The following ZNF638 variants were observed in gnomAD, a reference collection of about 807,000 sequenced individuals.
ZNF638 encodes zinc finger protein 638, also known as CTCL tumor antigen se33-1.
Under a neutral mutation model 195.6 loss-of-function variants are expected in ZNF638, and 46 were observed. The ratio of observed to expected loss-of-function variants is 0.24; its 90% CI spans 0.19 to 0.30. The LOEUF (loss-of-function observed/expected upper bound fraction) is 0.30, where lower values mean the gene tolerates loss of function less well. Among genes scored for constraint, ZNF638 ranks in the 10% least tolerant of loss-of-function variants. ZNF638 has a pLI of 1.00. For missense variants in ZNF638, 2,440 were observed against 2,325.3 expected, an observed-to-expected ratio of 1.05 and a Z score of -1.01; for synonymous variants, 845 against 772.0, an observed-to-expected ratio of 1.09 and a Z score of -1.57.
chr2:71,405,776 C>T (rs1162956927), intron 18 of ZNF638, 134 bp downstream of exon 18: 1 of 692,608 alleles, frequency 1.4e-6, no homozygotes, highest in Non-Finnish European at 2.4e-6. Flanking sequence ...TCAGATGGGT[C>T]TTCTTGGTAA....
At chr2:71,366,861 G>T (rs1229647759) in intron 6 of ZNF638, among the ~76,000 whole-genome samples, 2 of 152,058 alleles carry the variant, frequency 1.3e-5, no homozygotes, top group Non-Finnish European at 2.9e-5. Flanking sequence ...TTGTTTTATT[G>T]TATGTGTTTA....
At chr2:71,410,871 C>A (rs955616038) in intron 20 of ZNF638, among the ~76,000 whole-genome samples, 2 of 150,426 alleles carry the variant, frequency 1.3e-5, no homozygotes, top group Non-Finnish European at 2.9e-5. Context: ...TCCAGAATTT[C>A]TAAAGAGAGG....
At chr2:71,347,583 T>G (rs762170699) in intron 1 of ZNF638, among the ~76,000 whole-genome samples, 10 of 152,210 alleles carry the variant, frequency 6.6e-5, no homozygotes, top group Non-Finnish European at 1.2e-4. Context: ...CCACCATGCA[T>G]TTCAATCACA....
At chr2:71,360,713 A>G (rs903115316) in intron 3 of ZNF638, among the ~76,000 whole-genome samples, 1 of 152,088 alleles carries the variant, frequency 6.6e-6, no homozygotes, top group Non-Finnish European at 1.5e-5. Context: ...CACTGAGAAC[A>G]TTTTTGTTGC....
At chr2:71,335,043 G>A (rs1187111579) in intron 1 of ZNF638, among the ~76,000 whole-genome samples, 1 of 152,100 alleles carries the variant, frequency 6.6e-6, no homozygotes, top group African/African-American at 2.4e-5. Flanking sequence ...TAGCTTTAAC[G>A]TACATTATGT....
chr2:71,426,558 A>T lies in ZNF638; in HGVS notation c.4689A>T (p.Gly1563=). Residue 1563 remains glycine, a synonymous_variant, in exon 24 of 28, where the codon GGA becomes GGT. Transcript: ENST00000264447. The part of the protein sequence containing the change: ...PSQAKQNPLK[G]KRKETLKNVP... Reference sequence around the variant, plus strand: ...AGGCCAAGCAGAATCCACTAAAGGGAAAAAGGAAAGAAACTCTCAAAAATG... The same window carrying T: ...AGGCCAAGCAGAATCCACTAAAGGGTAAAAGGAAAGAAACTCTCAAAAATG... 6.2e-7 allele frequency: 1 copy of T among 1,614,102 alleles called. No individual in the cohort carries two copies. Among genetic ancestry groups the T allele is most frequent in the African/African-American group, 1.3e-5 (1 of 75,026 alleles).
At chr2:71,367,270 A>G (rs1407406873) in intron 6 of ZNF638, among the ~76,000 whole-genome samples, 1 of 151,578 alleles carries the variant, frequency 6.6e-6, no homozygotes, top group Non-Finnish European at 1.5e-5. Context: ...TTAGTAAAAA[A>G]TAAGAGAAAT....
In ZNF638 at chr2:71,393,781, G is replaced by T. The variant is rs549746111; in HGVS notation, c.2378-2360G>T. The stretch of plus-strand genomic sequence containing the variant: ...TACCTGGGCAGGCACCCCCTTCCCA[G>T]CCTCTAATAACGTTAACTGCTTGGC... On this transcript the variant is annotated intron_variant, in intron 10 of 27. Transcript: ENST00000264447. 8.1e-6 allele frequency: 5 copies of T among 620,346 alleles called. No homozygotes were observed. The African/African-American group carries it at 9.2e-5, about 11-fold the overall frequency. 38.4% of individuals were successfully genotyped at this position (620,346 alleles called of 1,614,324 possible).
rs2080471302 is a variant in ZNF638, at chr2:71,423,376, C to G, written c.3862C>G (p.Pro1288Ala). 1.2e-6 allele frequency: 2 copies of G among 1,613,694 alleles called. No individual in the cohort carries two copies. The highest frequency in any genetic ancestry group is 8.5e-7 in the Non-Finnish European group (1 of 1,179,958). The change falls in exon 22 of 28, where the codon CCC becomes GCC. Residue 1288 changes from proline (P) to alanine (A), a missense_variant. This residue lies in a region of ZNF638 where 1,883 missense variants were observed against 1,739.1 expected (regional missense o/e 1.08). Coordinates refer to ENST00000264447, the MANE Select transcript of ZNF638 (RefSeq NM_014497.5). Reference sequence around the variant, plus strand: ...TATTGTGACGTTAGTACCAGGAATTCCCACTGGGGATGAGAAGACAGTGGA... The same window carrying G: ...TATTGTGACGTTAGTACCAGGAATTGCCACTGGGGATGAGAAGACAGTGGA... The part of the protein sequence containing the change: ...TCIVTLVPGI[P>A]TGDEKTVDKK...
intron 8 of ZNF638, chr2:71,376,401 G>A (rs1056072348): frequency 3.9e-5 from 6 of 151,904 alleles, no homozygotes; most frequent in Non-Finnish European, 8.8e-5. Context: ...TTTTGTTGTT[G>A]TTTGTTTGTT....
chr2:71,400,469 T>C lies in ZNF638; in HGVS notation c.2657-9T>C. 1 of 1,599,122 alleles carries C rather than the reference T, an allele frequency of 6.3e-7. No individual in the cohort carries two copies. Among genetic ancestry groups the C allele is most frequent in the Non-Finnish European group, 8.5e-7 (1 of 1,175,526 alleles). On this transcript the variant is annotated splice_polypyrimidine_tract_variant and intron_variant, in intron 14 of 27. Coordinates refer to ENST00000264447, the MANE Select transcript of ZNF638 (RefSeq NM_014497.5). ...GTCTGCATTGTTTTTAATTTTATTT[T>C]GTATTAAGATGCTGCTTTGGAGGCC...
chr2:71,355,923 C>T, intron 3 of ZNF638, 143 bp downstream of exon 3: 1 of 458,614 alleles, frequency 2.2e-6, no homozygotes, highest in Admixed American at 4.4e-5. Context: ...TATTAGTTTT[C>T]TGGAAGTATA....
At position 71,423,172 on chromosome 2, in the gene ZNF638, A is replaced by G. The variant is rs758435711; in HGVS notation, c.3658A>G (p.Lys1220Glu). ...EKKGAEIINP[K>E]TALLPSDSVF... ...GAAAGGGGCAGAAATTATTAACCCT[A>G]AAACAGCATTGTTACCATCTGACAG... Residue 1220 changes from lysine to glutamate, a missense_variant, in exon 22 of 28, where the codon AAA becomes GAA. Lys to Glu is a moderately conservative substitution (Grantham distance 56). Coordinates refer to ENST00000264447, the MANE Select transcript of ZNF638 (RefSeq NM_014497.5). The G allele has an allele frequency of 1.9e-6, 3 of 1,614,156 alleles. No homozygotes were observed. The highest frequency in any genetic ancestry group is 3.3e-5 in the Admixed American group (2 of 60,012).
intron 10 of ZNF638, among the ~76,000 whole-genome samples, chr2:71,390,094 C>A (rs2079740498): frequency 6.6e-6 from 1 of 152,230 alleles, no homozygotes; most frequent in South Asian, 2.1e-4. Context: ...GCAAAAGAAC[C>A]CCCTTCTATA....
intron 1 of ZNF638, among the ~76,000 whole-genome samples, chr2:71,339,642 A>G (rs1299215700): frequency 1.3e-5 from 2 of 152,096 alleles, no homozygotes; most frequent in Admixed American, 6.6e-5. Flanking sequence ...GGTCTTGCTT[A>G]CCTCTGTTCC....
intron 5 of ZNF638, among the ~76,000 whole-genome samples, chr2:71,364,487 T>A (rs1204132579): frequency 6.6e-6 from 1 of 152,202 alleles, no homozygotes; most frequent in African/African-American, 2.4e-5. Context: ...ATGTCTTAGT[T>A]TGCTTTAATA....
At chr2:71,375,723 T>G (rs2079408946) in intron 8 of ZNF638, 1 of 152,240 alleles carries the variant, frequency 6.6e-6, no homozygotes, top group Admixed American at 6.5e-5. Context: ...TTAGAAAGAT[T>G]CATTTGGAAA....
Position 71,349,187 on chromosome 2 carries a change from C to A in ZNF638, c.233C>A (p.Thr78Asn). Residue 78 changes from threonine to asparagine, a missense_variant, in exon 2 of 28, where the codon ACT becomes AAT. By Grantham distance (65) the Thr-to-Asn change is moderately conservative. This residue lies in a region of ZNF638 where 191 missense variants were observed against 173.8 expected (regional missense o/e 1.10). Transcript: ENST00000264447. ...AATGTTCAGGTAACTCAACACAGAA[C>A]TGATCCAAGATTGACCAAAGAAAAA... ...RMNVQVTQHR[T>N]DPRLTKEKLD... 6.2e-7 allele frequency: 1 copy of A among 1,614,192 alleles called. No individual in the cohort carries two copies. The highest frequency in any genetic ancestry group is 8.5e-7 in the Non-Finnish European group (1 of 1,180,040).
chr2:71,370,682 T>C (rs1378152302), intron 8 of ZNF638, among the ~76,000 whole-genome samples: 3 of 152,208 alleles, frequency 2.0e-5, no homozygotes, highest in African/African-American at 7.2e-5. Context: ...TAAAAAAAAT[T>C]ATTGTATTTT....
Sources: gnomAD v4.1 joint callset for allele counts (sites outside exome capture counted in the v4.1 genomes callset) on GRCh38, gnomAD v4.1.1 for gene constraint, gnomAD v4.1.1 regional missense constraint, MANE v1.5 for transcripts, NCBI Gene and HGNC (gene_info 2026-07-23, HGNC 2026-07-21) for gene names.